Variants in MBD5 observed in about 807,000 individuals in gnomAD.
MBD5 encodes methyl-CpG binding domain protein 5.
MBD5 carries 13 observed loss-of-function variants against 117.3 expected under a neutral mutation model. The ratio of observed to expected loss-of-function variants is 0.11; its 90% CI spans 0.07 to 0.18. MBD5 has a LOEUF of 0.18. Ranked by LOEUF, MBD5 falls within the 10% of genes least tolerant of loss-of-function variation. MBD5 has a pLI of 1.00. For synonymous variants in MBD5, 727 were observed against 766.4 expected (o/e 0.95, Z 0.85); for missense variants, 1,879 against 2,093.8 (o/e 0.90, Z 2.00).
intron 4 of MBD5, among the ~76,000 whole-genome samples, chr2:148,392,299 A>G (rs1704590375): frequency 6.6e-6 from 1 of 152,170 alleles, no homozygotes; most frequent in Non-Finnish European, 1.5e-5. Context: ...TAAACTGGGG[A>G]ACTGCCAAAT....
At chr2:148,051,427 A>T (rs1162204275) in intron 1 of MBD5, among the ~76,000 whole-genome samples, 5 of 147,636 alleles carry the variant, frequency 3.4e-5, no homozygotes, top group Non-Finnish European at 6.0e-5. Context: ...TTTTTCGCCC[A>T]GTTTCCCTGG....
At position 148,155,324 on chromosome 2, in the gene MBD5, C is replaced by T. The variant is rs141341208; in HGVS notation, c.-924-23376C>T. On this transcript the variant is annotated intron_variant, in intron 1 of 13. Transcript: ENST00000642680. ...GAAACAGCAGCTGCTCAGTGTGAGG[C>T]AGGAGTGTACCTGGCATTTTGGGAA... Among the ~76,000 whole-genome samples, 165 of 152,224 alleles carry T rather than the reference C, an allele frequency of 1.1e-3. 1 individual carries two copies. The highest frequency in any genetic ancestry group is 1.7e-3 in the Non-Finnish European group (113 of 67,996).
At position 148,469,762 on chromosome 2, in the gene MBD5, G is replaced by A; in HGVS notation, c.1819G>A (p.Ala607Thr). ...NNSSSSSNSG[A>T]VAGSGNTEGH... is the part of the protein sequence containing the mutation. Reference sequence around the variant, plus strand: ...CAGTAGCAGCAGTAGCAATTCTGGAGCTGTTGCCGGCAGTGGCAACACTGA... The same window carrying A: ...CAGTAGCAGCAGTAGCAATTCTGGAACTGTTGCCGGCAGTGGCAACACTGA... Residue 607 changes from alanine to threonine, a missense_variant, in exon 8 of 14, where the codon GCT becomes ACT. Transcript: ENST00000642680. 6.2e-7 allele frequency: 1 copy of A among 1,613,996 alleles called. No homozygotes were observed. Among genetic ancestry groups the A allele is most frequent in the Non-Finnish European group, 8.5e-7 (1 of 1,179,902 alleles).
At chr2:148,345,681 ATG>A (rs1036440313) in intron 4 of MBD5, among the ~76,000 whole-genome samples, 2 of 148,374 alleles carry the variant, frequency 1.3e-5, no homozygotes, top group East Asian at 2.0e-4. Flanking sequence ...ATATAAATGT[ATG>A]TGTGTGTATA....
At chr2:148,213,078 T>C (rs1177096531) in intron 2 of MBD5, among the ~76,000 whole-genome samples, 1 of 152,214 alleles carries the variant, frequency 6.6e-6, no homozygotes. Context: ...AGTAAGCTCT[T>C]TGAAAGCAGG....
chr2:148,337,017 G>T (rs1345652528), intron 3 of MBD5, among the ~76,000 whole-genome samples: 1 of 152,104 alleles, frequency 6.6e-6, no homozygotes, highest in Non-Finnish European at 1.5e-5. Context: ...TCGCATGATG[G>T]AAGCTTCAAT....
At chr2:148,490,711 T>C (rs1681499170) in intron 11 of MBD5, 117 bp downstream of exon 11, 4 of 1,297,950 alleles carry the variant, frequency 3.1e-6, no homozygotes, top group East Asian at 2.4e-5. Context: ...TCATGACTCA[T>C]TGAGGTCTCA....
At chr2:148,347,514 C>T (rs577227380) in intron 4 of MBD5, 46 of 152,116 alleles carry the variant, frequency 3.0e-4, no homozygotes, top group African/African-American at 1.1e-3. Context: ...ACTCCCTGCT[C>T]TAGCCTTTTA....
intron 1 of MBD5, among the ~76,000 whole-genome samples, chr2:148,080,982 G>A (rs1342475147): frequency 2.0e-5 from 3 of 151,968 alleles, no homozygotes; most frequent in Non-Finnish European, 2.9e-5. Context: ...GATTAAATAC[G>A]GAAAACCATT....
intron 11 of MBD5, among the ~76,000 whole-genome samples, chr2:148,498,297 C>T (rs1681763865): frequency 6.6e-6 from 1 of 152,342 alleles, no homozygotes; most frequent in South Asian, 2.1e-4. Context: ...AAAATTTTAA[C>T]ATCATCTCCG....
intron 1 of MBD5, among the ~76,000 whole-genome samples, chr2:148,107,339 G>A (rs1049247529): frequency 2.8e-4 from 42 of 151,878 alleles, no homozygotes; most frequent in African/African-American, 9.2e-4. Flanking sequence ...GTTTCACTAT[G>A]GTGTGTACAG....
intron 3 of MBD5, among the ~76,000 whole-genome samples, chr2:148,307,948 A>T (rs1234492864): frequency 1.3e-5 from 2 of 152,112 alleles, no homozygotes; most frequent in African/African-American, 2.4e-5. Context: ...AGCTTCATCC[A>T]TGTCCCTGCA....
At chr2:148,100,252 A>C (rs986878662) in intron 1 of MBD5, among the ~76,000 whole-genome samples, 3 of 152,182 alleles carry the variant, frequency 2.0e-5, no homozygotes, top group Admixed American at 2.0e-4. Context: ...AAGAGAAAGC[A>C]AAGAGCCATG....
At chr2:148,143,505 T>C (rs1300246332) in intron 1 of MBD5, among the ~76,000 whole-genome samples, 1 of 152,232 alleles carries the variant, frequency 6.6e-6, no homozygotes, top group Non-Finnish European at 1.5e-5. Flanking sequence ...CTTTACGTTC[T>C]AGAGTACATG....
intron 4 of MBD5, among the ~76,000 whole-genome samples, chr2:148,366,904 A>G (rs1327950967): frequency 6.6e-6 from 1 of 152,206 alleles, no homozygotes; most frequent in Non-Finnish European, 1.5e-5. Flanking sequence ...CATAGTATGC[A>G]AAGTAATTTA....
At chr2:148,447,085 A>G (rs1170124593) in intron 4 of MBD5, among the ~76,000 whole-genome samples, 1 of 151,402 alleles carries the variant, frequency 6.6e-6, no homozygotes, top group Non-Finnish European at 1.5e-5. Context: ...GAAAGAAACA[A>G]AGAAAGAAAG....
At chr2:148,331,125 GT>G (rs753065514) in intron 3 of MBD5, among the ~76,000 whole-genome samples, 1 of 152,054 alleles carries the variant, frequency 6.6e-6, no homozygotes, top group Non-Finnish European at 1.5e-5. Context: ...TACAATACCT[GT>G]TTTCTAGAAA....
intron 1 of MBD5, among the ~76,000 whole-genome samples, chr2:148,177,780 C>G (rs1397243012): frequency 6.6e-6 from 1 of 152,106 alleles, no homozygotes; most frequent in East Asian, 1.9e-4. Flanking sequence ...AAAAGTGTTT[C>G]AAGTGTTTGA....
chr2:148,417,145 C>T (rs1379883390), intron 4 of MBD5, among the ~76,000 whole-genome samples: 2 of 152,028 alleles, frequency 1.3e-5, no homozygotes, highest in African/African-American at 4.8e-5. Context: ...GTTTTTTAGA[C>T]AGGATCTCAC....
Sources: allele counts gnomAD v4.1 joint callset (sites outside exome capture counted in the v4.1 genomes callset), GRCh38; gene constraint gnomAD v4.1.1; transcripts MANE v1.5; gene names NCBI Gene and HGNC (gene_info 2026-07-23, HGNC 2026-07-21).